The following SETD7 variants were observed in gnomAD, a reference collection of about 807,000 sequenced individuals.
The protein encoded by SETD7 is histone-lysine N-methyltransferase SETD7.
Under a neutral mutation model 41.8 loss-of-function variants are expected in SETD7, and 16 were observed. That is an observed-to-expected ratio of 0.38 (90% CI 0.26 to 0.58). SETD7 has a LOEUF of 0.58. Ranked by LOEUF, SETD7 falls within the 20% of genes least tolerant of loss-of-function variation. The pLI is 0.64. For synonymous variants in SETD7, 163 were observed against 169.7 expected (o/e 0.96, Z 0.31); for missense variants, 346 against 459.7 (o/e 0.75, Z 2.26).
rs576624468 is a variant in SETD7 at position 139,497,736 on chromosome 4, G to A, written c.921-1215C>T. 3.6e-4 allele frequency among the ~76,000 whole-genome samples: 55 copies of A among 151,882 alleles called. 1 individual carries two copies. In the South Asian group the frequency reaches 0.011, roughly 31 times the overall value. ...TCCTGAGTAGCTGGGATTACAGGCG[G>A]CGCCTGCCACTACGCCCGGCTAATT... On this transcript the variant is annotated intron_variant, in intron 7 of 7. Coordinates refer to the SETD7 transcript ENST00000506866.
intron 7 of SETD7, among the ~76,000 whole-genome samples, chr4:139,515,070 G>C (rs1425735908): frequency 6.6e-6 from 1 of 151,268 alleles, no homozygotes; most frequent in Non-Finnish European, 1.5e-5. Flanking sequence ...GGAGGCTGAG[G>C]CAGGATAACC....
At chr4:139,518,825 CTAACAGTG>C (rs142836444) in intron 6 of SETD7, among the ~76,000 whole-genome samples, 219 of 152,306 alleles carry the variant, frequency 1.4e-3, no homozygotes, top group African/African-American at 4.9e-3. Flanking sequence ...ACAGGGGTTA[CTAACAGTG>C]TAACAATCAG....
Position 139,538,172 on chromosome 4 carries a change from G to T in SETD7, c.171-4806C>A, listed in dbSNP as rs191550137. 2.2e-4 allele frequency among the ~76,000 whole-genome samples: 34 copies of T among 152,188 alleles called. No homozygotes were observed. The East Asian group carries it at 6.6e-3, about 29-fold the overall frequency. ...AAAATTCCTATCTGCAGTAATTTAT[G>T]AGTGATCCAATTGACTGGAAGAAAA... On this transcript the variant is annotated intron_variant, in intron 2 of 7. Coordinates refer to ENST00000274031, the MANE Select transcript of SETD7 (RefSeq NM_030648.4).
At chr4:139,553,857 CA>C (rs1387161912) in intron 1 of SETD7, among the ~76,000 whole-genome samples, 6 of 152,300 alleles carry the variant, frequency 3.9e-5, no homozygotes, top group African/African-American at 1.4e-4. Context: ...TGGGAAAGAA[CA>C]GAAGCAGTTT....
At position 139,532,987 on chromosome 4, in the gene SETD7, C is replaced by G. The variant is rs776444709; in HGVS notation, c.372+178G>C. 5.0e-5 allele frequency: 30 copies of G among 602,808 alleles called. No homozygotes were observed. In the Admixed American group the frequency reaches 6.9e-4, roughly 14 times the overall value. 37.3% of individuals were successfully genotyped at this position (602,808 alleles called of 1,614,324 possible). A position where few individuals can be genotyped will look rare whatever the true frequency, so the allele number is the denominator to read the frequency against. On this transcript the variant is annotated intron_variant, in intron 3 of 7. Coordinates refer to ENST00000274031, the MANE Select transcript of SETD7 (RefSeq NM_030648.4). ...AATTAATAACGGATTCAAGGGCCAA[C>G]AATCTAAGCCAATAGTGAGTAACAG...
At chr4:139,536,927 C>T (rs1448739853) in intron 2 of SETD7, among the ~76,000 whole-genome samples, 1 of 152,156 alleles carries the variant, frequency 6.6e-6, no homozygotes, top group Non-Finnish European at 1.5e-5. Context: ...TGCTTGAGCC[C>T]AAGAGGCAGA....
At chr4:139,502,355 G>A (rs190253136), downstream of SETD7, among the ~76,000 whole-genome samples, 29 of 152,280 alleles carry the variant, frequency 1.9e-4, no homozygotes, top group Middle Eastern at 3.4e-3. Context: ...AAGTGGCCTC[G>A]GAATGCTGGG....
At chr4:139,548,752 T>C (rs1353369071) in intron 1 of SETD7, among the ~76,000 whole-genome samples, 1 of 152,184 alleles carries the variant, frequency 6.6e-6, no homozygotes, top group Non-Finnish European at 1.5e-5. Context: ...ATACAATGGG[T>C]TACCTAGAAC....
At chr4:139,536,703 CTG>C (rs1727648117) in intron 2 of SETD7, among the ~76,000 whole-genome samples, 1 of 149,320 alleles carries the variant, frequency 6.7e-6, no homozygotes, top group South Asian at 2.1e-4. Context: ...CAGCGAGACT[CTG>C]TCTTAAAAAA....
At chr4:139,521,503 G>A (rs1223497774) in intron 5 of SETD7, among the ~76,000 whole-genome samples, 1 of 151,994 alleles carries the variant, frequency 6.6e-6, no homozygotes, top group Non-Finnish European at 1.5e-5. Context: ...GACCCTACAG[G>A]AACTGATCAT....
chr4:139,503,034 G>A (rs11944978), downstream of SETD7, among the ~76,000 whole-genome samples: 6 of 151,608 alleles, frequency 4.0e-5, no homozygotes, highest in South Asian at 2.1e-4. Context: ...AAAAATTAGC[G>A]GGGCATGGCA....
downstream of SETD7, among the ~76,000 whole-genome samples, chr4:139,502,796 AATGAG>A (rs1489665421): frequency 6.6e-6 from 1 of 152,118 alleles, no homozygotes; most frequent in Non-Finnish European, 1.5e-5. Flanking sequence ...AAGAATGAGA[AATGAG>A]ATGGGATGGA....
At chr4:139,517,311 C>T (rs1217865796) in intron 7 of SETD7, among the ~76,000 whole-genome samples, 1 of 152,108 alleles carries the variant, frequency 6.6e-6, no homozygotes, top group Non-Finnish European at 1.5e-5. Context: ...CCCATCTCTA[C>T]TAAAAATACA....
At position 139,507,703 on chromosome 4, in the gene SETD7, T is replaced by C. The variant is rs1469786731; in HGVS notation, c.*3960A>G. 2 of 152,634 alleles carry C rather than the reference T, an allele frequency of 1.3e-5. No homozygotes were observed. Among genetic ancestry groups the C allele is most frequent in the African/African-American group, 4.8e-5 (2 of 41,454 alleles). The allele number at this position is 152,634 out of a possible 1,614,324, so 9.5% of individuals were successfully genotyped here. A position where few individuals can be genotyped will look rare whatever the true frequency, so the allele number is the denominator to read the frequency against. ...CACACATTTGGCAAAAGAAAACTAT[T>C]ACAATTTAGTATTTTTAAAATTAAA... On this transcript the variant is annotated 3_prime_UTR_variant, in exon 8 of 8. Transcript: ENST00000274031.
intron 1 of SETD7, among the ~76,000 whole-genome samples, chr4:139,552,862 T>C (rs1277482421): frequency 6.6e-6 from 1 of 152,248 alleles, no homozygotes; most frequent in African/African-American, 2.4e-5. Flanking sequence ...TATATTTATT[T>C]GAAATCATAT....
intron 2 of SETD7, among the ~76,000 whole-genome samples, chr4:139,539,712 C>T (rs918390549): frequency 6.6e-6 from 1 of 152,192 alleles, no homozygotes; most frequent in South Asian, 2.1e-4. Context: ...TGTTGAACTC[C>T]TAACACCCAA....
chr4:139,550,043 C>T (rs1173834417), intron 1 of SETD7, among the ~76,000 whole-genome samples: 2 of 152,148 alleles, frequency 1.3e-5, no homozygotes, highest in African/African-American at 2.4e-5. Context: ...GCCTCCAAAA[C>T]GGCTAATTAA....
chr4:139,552,659 T>C (rs62321270), intron 1 of SETD7, among the ~76,000 whole-genome samples: 15,281 of 152,176 alleles, frequency 0.1, 1,037 homozygotes, highest in Middle Eastern at 0.16. Flanking sequence ...AGCTCCATGT[T>C]GCAGCAAAAT....
At chr4:139,538,510 A>G (rs1229185711) in intron 2 of SETD7, among the ~76,000 whole-genome samples, 1 of 152,072 alleles carries the variant, frequency 6.6e-6, no homozygotes, top group African/African-American at 2.4e-5. Flanking sequence ...TTGTATTTTT[A>G]GTAGAGATGC....
Sources: allele counts gnomAD v4.1 joint callset (sites outside exome capture counted in the v4.1 genomes callset), GRCh38; gene constraint gnomAD v4.1.1; transcripts MANE v1.5; gene names NCBI Gene and HGNC (gene_info 2026-07-23, HGNC 2026-07-21).